Variants in MME observed in about 807,000 individuals in gnomAD.
MME encodes membrane metalloendopeptidase, also known as neprilysin.
In MME, 98 loss-of-function variants were observed where a neutral mutation model predicts 113.2. The observed-to-expected ratio is 0.87, with a 90% CI of 0.74 to 1.02. MME has a LOEUF of 1.02. Among genes scored for constraint, MME ranks in the 50% least tolerant of loss-of-function variants. The probability of loss-of-function intolerance (pLI) is 0.00; values close to 1 mark genes in which losing one functional copy is unlikely to be tolerated. For synonymous variants in MME, 292 were observed against 300.6 expected, an observed-to-expected ratio of 0.97 and a Z score of 0.30; for missense variants, 836 against 896.0, an observed-to-expected ratio of 0.93 and a Z score of 0.86.
chr3:155,048,822 T>C (rs1042030960), intron 1 of MME, among the ~76,000 whole-genome samples: 2 of 152,192 alleles, frequency 1.3e-5, no homozygotes, highest in African/African-American at 4.8e-5. Flanking sequence ...GTTTATCTTA[T>C]CCATGCATAC....
At chr3:155,069,528 A>G (rs969459243) in intron 1 of MME, among the ~76,000 whole-genome samples, 23 of 152,352 alleles carry the variant, frequency 1.5e-4, no homozygotes, top group African/African-American at 5.3e-4. Context: ...ATTGAAGAGC[A>G]CTAACCTGGC....
intron 9 of MME, among the ~76,000 whole-genome samples, chr3:155,139,602 T>C (rs1720898395): frequency 6.6e-6 from 1 of 152,182 alleles, no homozygotes; most frequent in Non-Finnish European, 1.5e-5. Context: ...GTGAAAGAAA[T>C]AAAATTGGAT....
At chr3:155,082,882 C>G (rs989415172) in intron 1 of MME, among the ~76,000 whole-genome samples, 2 of 152,136 alleles carry the variant, frequency 1.3e-5, no homozygotes, top group Admixed American at 6.6e-5. Flanking sequence ...AAAACACACC[C>G]TTAGAGAATT....
At chr3:155,162,873 T>C (rs535137091) in intron 17 of MME, among the ~76,000 whole-genome samples, 4 of 150,862 alleles carry the variant, frequency 2.7e-5, no homozygotes, top group African/African-American at 9.7e-5. Context: ...ATTAGCCCAG[T>C]GTGGTGGTGG....
At chr3:155,159,101 G>T (rs912561226) in intron 16 of MME, 1 of 152,012 alleles carries the variant, frequency 6.6e-6, no homozygotes, top group Non-Finnish European at 1.5e-5. Context: ...TCAGTCAGTT[G>T]TTATATATTG....
chr3:155,055,791 C>A (rs918577708), intron 1 of MME, among the ~76,000 whole-genome samples: 1 of 152,142 alleles, frequency 6.6e-6, no homozygotes, highest in Middle Eastern at 3.4e-3. Flanking sequence ...GTTATGCAGG[C>A]GTTTAAACTT....
At chr3:155,145,058 C>A (rs544281656) in intron 14 of MME, among the ~76,000 whole-genome samples, 5 of 152,192 alleles carry the variant, frequency 3.3e-5, no homozygotes, top group South Asian at 4.1e-4. Context: ...AGATAATCAA[C>A]CTTGGTCTAG....
upstream of MME, among the ~76,000 whole-genome samples, chr3:155,078,683 G>GTT: frequency 6.6e-6 from 1 of 151,514 alleles, no homozygotes; most frequent in African/African-American, 2.4e-5. Flanking sequence ...GTGTGTGTGT[G>GTT]TGTGTGTGTA....
intron 17 of MME, among the ~76,000 whole-genome samples, chr3:155,162,038 T>C (rs1258027652): frequency 1.3e-5 from 2 of 152,194 alleles, no homozygotes; most frequent in Non-Finnish European, 2.9e-5. Flanking sequence ...TAATTAACTT[T>C]CAATGGAATC....
At chr3:155,084,835 T>A (rs545381655) in intron 2 of MME, among the ~76,000 whole-genome samples, 2 of 152,342 alleles carry the variant, frequency 1.3e-5, no homozygotes, top group African/African-American at 4.8e-5. Flanking sequence ...AGAGAAGATA[T>A]AATAACACAT....
chr3:155,141,891 G>A, intron 10 of MME, 100 bp from the exon 11 acceptor site: 1 of 1,274,584 alleles, frequency 7.8e-7, no homozygotes, highest in South Asian at 1.3e-5. Flanking sequence ...AGAATCCCAA[G>A]TGAATATCAA....
rs750535651 is a variant in MME, at chr3:155,115,193, T to C, written c.358+38T>C. ...TGTGTCTGTGCATCAAAGATTTCTCTCTTAATATGTTCATTTTTTAAATAT... is the reference window on the plus strand; with the variant it reads ...TGTGTCTGTGCATCAAAGATTTCTCCCTTAATATGTTCATTTTTTAAATAT... On this transcript the variant is annotated intron_variant, in intron 4 of 22. Coordinates refer to ENST00000360490, the MANE Select transcript of MME (RefSeq NM_007289.4). 21 of 1,605,240 alleles carry C rather than the reference T, an allele frequency of 1.3e-5. No homozygotes were observed. In the Admixed American group the frequency reaches 3.5e-4, roughly 27 times the overall value.
At chr3:155,084,492 T>A in intron 2 of MME, 165 bp downstream of exon 2, 1 of 726,436 alleles carries the variant, frequency 1.4e-6, no homozygotes, top group Non-Finnish European at 2.3e-6. Context: ...AATAATTAAC[T>A]TTGAAGTACG....
At chr3:155,116,446 T>A (rs1718610630) in intron 4 of MME, 33 bp from the exon 5 acceptor site, 1 of 1,427,240 alleles carries the variant, frequency 7.0e-7, no homozygotes, top group Non-Finnish European at 9.9e-7. Context: ...TGAGCAATTA[T>A]GTTGATGCAT....
At chr3:155,047,464 A>T (rs1198924420) in intron 1 of MME, among the ~76,000 whole-genome samples, 1 of 152,190 alleles carries the variant, frequency 6.6e-6, no homozygotes, top group African/African-American at 2.4e-5. Flanking sequence ...ATTTCCCAGA[A>T]CATATCCTTG....
chr3:155,096,873 C>T (rs1431478291), intron 3 of MME, among the ~76,000 whole-genome samples: 4 of 152,254 alleles, frequency 2.6e-5, no homozygotes, highest in Admixed American at 1.3e-4. Context: ...CATGCACCAC[C>T]ACACCCCGTT....
At chr3:155,162,724 T>G (rs1208334836) in intron 17 of MME, among the ~76,000 whole-genome samples, 1 of 151,758 alleles carries the variant, frequency 6.6e-6, no homozygotes, top group South Asian at 2.1e-4. Context: ...ATAGGAATGT[T>G]TATGTGGGCT....
chr3:155,130,987 A>G (rs1366528663), intron 8 of MME, among the ~76,000 whole-genome samples: 4 of 152,176 alleles, frequency 2.6e-5, no homozygotes, highest in Non-Finnish European at 1.5e-5. Flanking sequence ...GAGATAGACA[A>G]TAAATAACCA....
chr3:155,130,168 C>T (rs1720028571), intron 8 of MME, among the ~76,000 whole-genome samples: 1 of 152,098 alleles, frequency 6.6e-6, no homozygotes, highest in African/African-American at 2.4e-5. Context: ...TGATGTTTGC[C>T]TGAGAAGGAG....
Sources: allele counts gnomAD v4.1 joint callset (sites outside exome capture counted in the v4.1 genomes callset), GRCh38; gene constraint gnomAD v4.1.1; transcripts MANE v1.5; gene names NCBI Gene and HGNC (gene_info 2026-07-23, HGNC 2026-07-21).